The following ADGRG7 variants were observed in gnomAD, a reference collection of about 807,000 sequenced individuals.
The protein encoded by ADGRG7 is G-protein coupled receptor 128.
Under a neutral mutation model 88.6 loss-of-function variants are expected in ADGRG7, and 82 were observed. The ratio of observed to expected loss-of-function variants is 0.93; its 90% CI spans 0.77 to 1.11. ADGRG7 has a LOEUF of 1.11. Ranked by LOEUF, ADGRG7 falls within the 50% of genes most tolerant of loss-of-function variation. ADGRG7 has a pLI of 0.00. For synonymous variants in ADGRG7, 381 were observed against 345.2 expected (o/e 1.10, Z -1.15); for missense variants, 945 against 953.4 (o/e 0.99, Z 0.12).
At chr3:100,651,878 A>G (rs1386272490) in intron 11 of ADGRG7, among the ~76,000 whole-genome samples, 3 of 152,192 alleles carry the variant, frequency 2.0e-5, no homozygotes, top group Non-Finnish European at 4.4e-5. Context: ...TGCAAAAGTG[A>G]TAGCATTCAG....
chr3:100,627,611 T>A (rs1394170222), intron 1 of ADGRG7, among the ~76,000 whole-genome samples: 2 of 152,228 alleles, frequency 1.3e-5, no homozygotes, highest in African/African-American at 2.4e-5. Context: ...CATTTCTTTA[T>A]TTTCTAAAAG....
intron 14 of ADGRG7, among the ~76,000 whole-genome samples, chr3:100,660,185 G>A (rs1381601274): frequency 1.3e-5 from 2 of 152,140 alleles, no homozygotes; most frequent in African/African-American, 4.8e-5. Context: ...AAATGAGAAG[G>A]TTGTGGGAAA....
At chr3:100,677,368 A>C (rs1045956340) in intron 15 of ADGRG7, among the ~76,000 whole-genome samples, 5 of 151,890 alleles carry the variant, frequency 3.3e-5, no homozygotes, top group Admixed American at 3.3e-4. Flanking sequence ...AAACTCTATA[A>C]CTTTTTGTTT....
rs1318688040 is a variant in ADGRG7 at position 100,610,111 on chromosome 3, G to C, written c.115+140G>C. The C allele has an allele frequency of 8.0e-6, 5 of 624,824 alleles. No individual in the cohort carries two copies. The African/African-American group carries it at 9.2e-5, about 11-fold the overall frequency. The allele number at this position is 624,824 out of a possible 1,614,324, so 38.7% of individuals were successfully genotyped here. On this transcript the variant is annotated intron_variant, in intron 1 of 15. Coordinates refer to ENST00000273352, the MANE Select transcript of ADGRG7 (RefSeq NM_032787.3). ...AAGGTGCCATTTATGGGATATAAAA[G>C]ACCAAGTCAGTTAAGCCTAGCAGAT...
chr3:100,633,922 A>G (rs140029258), intron 4 of ADGRG7, among the ~76,000 whole-genome samples: 68 of 152,338 alleles, frequency 4.5e-4, no homozygotes, highest in African/African-American at 1.6e-3. Context: ...CACATTAAAA[A>G]TGGCTTCATC....
intron 1 of ADGRG7, among the ~76,000 whole-genome samples, chr3:100,619,059 A>G (rs1392498341): frequency 6.6e-6 from 1 of 152,176 alleles, no homozygotes; most frequent in Non-Finnish European, 1.5e-5. Flanking sequence ...ATTTTTGCAC[A>G]TTGATTTTGT....
chr3:100,614,340 G>A (rs1001720689), intron 1 of ADGRG7, among the ~76,000 whole-genome samples: 1 of 152,062 alleles, frequency 6.6e-6, no homozygotes, highest in African/African-American at 2.4e-5. Context: ...ATGCTACACT[G>A]TACCATCAAG....
chr3:100,635,850 A>C (rs1216683715), intron 5 of ADGRG7, 24 bp downstream of exon 5: 1 of 1,573,484 alleles, frequency 6.4e-7, no homozygotes, highest in Non-Finnish European at 8.6e-7. Context: ...AGCTTTAAAA[A>C]AAATTTTTTT....
intron 1 of ADGRG7, among the ~76,000 whole-genome samples, chr3:100,627,369 T>G (rs939649100): frequency 6.6e-6 from 1 of 152,224 alleles, no homozygotes; most frequent in African/African-American, 2.4e-5. Flanking sequence ...TTAATTGATT[T>G]TCTATTGATT....
chr3:100,666,800 C>T (rs1252622576), intron 14 of ADGRG7, among the ~76,000 whole-genome samples: 1 of 152,148 alleles, frequency 6.6e-6, no homozygotes, highest in African/African-American at 2.4e-5. Context: ...AGGCAGAGGT[C>T]CCTGAGTGTT....
intron 12 of ADGRG7, among the ~76,000 whole-genome samples, chr3:100,655,533 A>G (rs79877021): frequency 1.3e-5 from 2 of 152,222 alleles, no homozygotes; most frequent in African/African-American, 4.8e-5. Flanking sequence ...GTGACTCTTT[A>G]AGCAAAAATA....
At chr3:100,674,663 C>T (rs2094962710) in intron 15 of ADGRG7, among the ~76,000 whole-genome samples, 1 of 151,692 alleles carries the variant, frequency 6.6e-6, no homozygotes. Context: ...CTGCAACCTC[C>T]ACCTCCCAGG....
chr3:100,671,607 G>A (rs1169583623), intron 15 of ADGRG7, among the ~76,000 whole-genome samples: 1 of 152,178 alleles, frequency 6.6e-6, no homozygotes, highest in African/African-American at 2.4e-5. Flanking sequence ...TGCTTTTGGT[G>A]TTTTAGTCAT....
chr3:100,630,794 A>G lies in ADGRG7; in HGVS notation c.319A>G (p.Lys107Glu). ...TGGACCATCCTTGCAAACATGTGGCAAGGATACTCCAAATGGTATGTGTTT... is the reference window on the plus strand; with the variant it reads ...TGGACCATCCTTGCAAACATGTGGCGAGGATACTCCAAATGGTATGTGTTT... ...RYGPSLQTCG[K>E]DTPNAGNPMA... The change falls in exon 3 of 16, where the codon AAG (lysine) becomes GAG (glutamate). Residue 107 changes from lysine to glutamate, a missense_variant. Coordinates refer to ENST00000273352, the MANE Select transcript of ADGRG7 (RefSeq NM_032787.3). 1 of 1,480,162 alleles carries G rather than the reference A, an allele frequency of 6.8e-7. No individual in the cohort carries two copies. Among genetic ancestry groups the G allele is most frequent in the East Asian group, 2.6e-5 (1 of 37,906 alleles). The allele number at this position is 1,480,162 out of a possible 1,614,324, so 91.7% of individuals were successfully genotyped here. A position where few individuals can be genotyped will look rare whatever the true frequency, so the allele number is the denominator to read the frequency against.
intron 1 of ADGRG7, among the ~76,000 whole-genome samples, chr3:100,610,501 C>A (rs944574813): frequency 5.9e-5 from 9 of 152,204 alleles, no homozygotes; most frequent in African/African-American, 1.7e-4. Flanking sequence ...GGAAACTAAT[C>A]AAAAATTTAA....
chr3:100,689,841 C>A (rs541228691), intron 15 of ADGRG7, among the ~76,000 whole-genome samples: 1 of 152,118 alleles, frequency 6.6e-6, no homozygotes, highest in Non-Finnish European at 1.5e-5. Flanking sequence ...GTGAATTTGA[C>A]CATTATGTGT....
At chr3:100,661,728 T>C (rs983408103) in intron 14 of ADGRG7, among the ~76,000 whole-genome samples, 1 of 152,192 alleles carries the variant, frequency 6.6e-6, no homozygotes, top group African/African-American at 2.4e-5. Flanking sequence ...GAAAATACAA[T>C]TTCTATCACA....
intron 1 of ADGRG7, among the ~76,000 whole-genome samples, chr3:100,627,287 C>T (rs1366403288): frequency 2.0e-5 from 3 of 152,112 alleles, no homozygotes; most frequent in African/African-American, 7.2e-5. Flanking sequence ...AAGTGAGATG[C>T]TTTTTGTCTC....
At chr3:100,642,200 C>T (rs552508090) in intron 6 of ADGRG7, among the ~76,000 whole-genome samples, 94 of 152,342 alleles carry the variant, frequency 6.2e-4, no homozygotes, top group Middle Eastern at 3.4e-3. Flanking sequence ...GTGCTGACCT[C>T]TACATAGATA....
Sources: allele counts gnomAD v4.1 joint callset (sites outside exome capture counted in the v4.1 genomes callset), GRCh38; gene constraint gnomAD v4.1.1; transcripts MANE v1.5; gene names NCBI Gene and HGNC (gene_info 2026-07-23, HGNC 2026-07-21).